Variants in CUL5 observed in about 807,000 individuals in gnomAD.
CUL5 encodes the protein cullin-5.
Under a neutral mutation model 108.8 loss-of-function variants are expected in CUL5, and 26 were observed. The observed-to-expected ratio is 0.24, with a 90% CI of 0.18 to 0.33. The LOEUF (loss-of-function observed/expected upper bound fraction) is 0.33, where lower values mean the gene tolerates loss of function less well. CUL5 is among the 10% of genes least tolerant of loss of function. CUL5 has a pLI of 1.00. For missense variants in CUL5, 524 were observed against 909.2 expected (o/e 0.58, Z 5.45); for synonymous variants, 334 against 298.0 (o/e 1.12, Z -1.25).
At chr11:108,058,739 A>G (rs1863462673) in intron 7 of CUL5, among the ~76,000 whole-genome samples, 2 of 152,010 alleles carry the variant, frequency 1.3e-5, no homozygotes, top group Admixed American at 1.3e-4. Context: ...TAAGTGTTGC[A>G]TTAGATGTCT....
chr11:108,070,514 T>C (rs1863795652), intron 8 of CUL5, among the ~76,000 whole-genome samples: 1 of 152,120 alleles, frequency 6.6e-6, no homozygotes, highest in Non-Finnish European at 1.5e-5. Context: ...TAGAACCAGG[T>C]ATTTGACTTT....
chr11:108,059,265 A>G (rs574175845), intron 7 of CUL5, among the ~76,000 whole-genome samples: 4 of 152,320 alleles, frequency 2.6e-5, no homozygotes, highest in Non-Finnish European at 4.4e-5. Context: ...GGGAAATTCA[A>G]TTAGTATTTA....
chr11:108,054,591 C>T, intron 5 of CUL5, 56 bp from the exon 6 acceptor site: 1 of 1,223,464 alleles, frequency 8.2e-7, no homozygotes, highest in Non-Finnish European at 1.1e-6. Context: ...ATTTATTATA[C>T]TCAAAATACT....
chr11:108,010,862 G>T (rs185496093), intron 1 of CUL5, among the ~76,000 whole-genome samples: 5 of 152,286 alleles, frequency 3.3e-5, no homozygotes, highest in East Asian at 1.9e-4. Flanking sequence ...TCTTTGAGAG[G>T]CCAAGGTGGG....
chr11:108,051,765 T>A (rs1863229978), intron 4 of CUL5, among the ~76,000 whole-genome samples: 1 of 152,208 alleles, frequency 6.6e-6, no homozygotes, highest in Non-Finnish European at 1.5e-5. Context: ...TATGCATATG[T>A]CTATTTCAAA....
intron 7 of CUL5, among the ~76,000 whole-genome samples, chr11:108,058,450 G>A (rs1008373705): frequency 6.6e-6 from 1 of 151,164 alleles, no homozygotes; most frequent in African/African-American, 2.4e-5. Flanking sequence ...GGGTTTCACC[G>A]TGTTAGCCAG....
At chr11:108,067,660 A>C (rs1311583256) in intron 7 of CUL5, among the ~76,000 whole-genome samples, 1 of 152,186 alleles carries the variant, frequency 6.6e-6, no homozygotes, top group African/African-American at 2.4e-5. Flanking sequence ...GAACAGGATA[A>C]TGTTCAAGTG....
chr11:108,089,044 T>C (rs1195867714), intron 12 of CUL5, among the ~76,000 whole-genome samples: 1 of 152,090 alleles, frequency 6.6e-6, no homozygotes, highest in African/African-American at 2.4e-5. Context: ...TAAGTAGTTG[T>C]TTTCATCTTT....
intron 1 of CUL5, among the ~76,000 whole-genome samples, chr11:108,030,162 A>G (rs1406338019): frequency 1.3e-5 from 2 of 152,250 alleles, no homozygotes; most frequent in African/African-American, 4.8e-5. Flanking sequence ...TGTACAAAGT[A>G]TATGCCGCAG....
chr11:108,013,729 T>TA (rs781525057), intron 1 of CUL5, among the ~76,000 whole-genome samples: 13 of 152,290 alleles, frequency 8.5e-5, no homozygotes, highest in East Asian at 3.9e-4. Flanking sequence ...GACTTTTTTT[T>TA]ATCCTTTAAG....
At chr11:108,021,860 G>T (rs879109283) in intron 1 of CUL5, among the ~76,000 whole-genome samples, 1 of 151,706 alleles carries the variant, frequency 6.6e-6, no homozygotes, top group Admixed American at 6.6e-5. Context: ...TGTTCCTCAG[G>T]CTGGAATGCA....
At position 108,104,988 on chromosome 11, in the gene CUL5, TATTA is replaced by T. The variant is rs1864756634; in HGVS notation, c.*606_*609del. 6.6e-6 allele frequency: 1 copy of T among 152,530 alleles called. No individual in the cohort carries two copies. Among genetic ancestry groups the T allele is most frequent in the Non-Finnish European group, 1.5e-5 (1 of 68,002 alleles). 9.4% of individuals were successfully genotyped at this position (152,530 alleles called of 1,614,324 possible). Reference sequence around the variant, plus strand: ...GATTTTAATGGTGACCTAAAAATGGTATTAAATATTTTCAACTTTCAAATGTTGG... The same window carrying T: ...GATTTTAATGGTGACCTAAAAATGGTAATATTTTCAACTTTCAAATGTTGG... On this transcript the variant is annotated 3_prime_UTR_variant, in exon 19 of 19. Coordinates refer to ENST00000393094, the MANE Select transcript of CUL5 (RefSeq NM_003478.6).
intron 3 of CUL5, among the ~76,000 whole-genome samples, chr11:108,046,925 G>A (rs764888350): frequency 6.6e-6 from 1 of 152,100 alleles, no homozygotes; most frequent in African/African-American, 2.4e-5. Flanking sequence ...GTGACACCTT[G>A]TAATGTTGTT....
intron 5 of CUL5, among the ~76,000 whole-genome samples, chr11:108,053,387 G>T (rs1863285960): frequency 6.6e-6 from 1 of 152,134 alleles, no homozygotes; most frequent in Admixed American, 6.5e-5. Flanking sequence ...ATCACTCTAG[G>T]TAGGTATTTA....
intron 2 of CUL5, among the ~76,000 whole-genome samples, chr11:108,042,845 C>T (rs1193794359): frequency 6.6e-6 from 1 of 152,106 alleles, no homozygotes; most frequent in South Asian, 2.1e-4. Context: ...TCACTGCAAC[C>T]TCCGCTTCCA....
At chr11:108,098,035 C>T (rs745385185) in intron 17 of CUL5, among the ~76,000 whole-genome samples, 1 of 151,992 alleles carries the variant, frequency 6.6e-6, no homozygotes, top group African/African-American at 2.4e-5. Context: ...TCAGAGAAAG[C>T]GTTTTTTGTG....
At chr11:108,073,671 G>T (rs928555679) in intron 10 of CUL5, 174 bp downstream of exon 10, 2 of 379,100 alleles carry the variant, frequency 5.3e-6, no homozygotes, top group Admixed American at 4.4e-5. Flanking sequence ...GTAAGCATTT[G>T]TTAAACATTA....
chr11:108,056,903 AAGGAGAACT>A (rs2135144989), intron 7 of CUL5, among the ~76,000 whole-genome samples: 1 of 152,314 alleles, frequency 6.6e-6, no homozygotes, highest in African/African-American at 2.4e-5. Context: ...GGTTTCAGCC[AAGGAGAACT>A]GTGCTGCTAC....
intron 8 of CUL5, 52 bp downstream of exon 8, chr11:108,070,241 G>A (rs775219742): frequency 7.5e-7 from 1 of 1,327,586 alleles, no homozygotes; most frequent in Admixed American, 1.8e-5. Flanking sequence ...GGGTATCTTT[G>A]AAACAAATCA....
Sources: allele counts gnomAD v4.1 joint callset (sites outside exome capture counted in the v4.1 genomes callset), GRCh38; gene constraint gnomAD v4.1.1; transcripts MANE v1.5; gene names NCBI Gene and HGNC (gene_info 2026-07-23, HGNC 2026-07-21).